The following ZNF467 variants were observed in gnomAD, a reference collection of about 807,000 sequenced individuals.
ZNF467 encodes the protein zinc finger protein 467, also known as zinc finger protein EZI.
Under a neutral mutation model 47.8 loss-of-function variants are expected in ZNF467, and 51 were observed. The observed-to-expected ratio is 1.07, with a 90% CI of 0.85 to 1.35. The LOEUF (loss-of-function observed/expected upper bound fraction) is 1.35. Ranked by LOEUF, ZNF467 falls within the 40% of genes most tolerant of loss-of-function variation. The pLI is 0.00. For synonymous variants in ZNF467, 416 were observed against 372.9 expected (o/e 1.12, Z -1.33); for missense variants, 992 against 858.1 (o/e 1.16, Z -1.95).
At chr7:149,768,373 C>T (rs1361103876) in intron 4 of ZNF467, among the ~76,000 whole-genome samples, 1 of 152,234 alleles carries the variant, frequency 6.6e-6, no homozygotes, top group Non-Finnish European at 1.5e-5. Flanking sequence ...CACACTGTCA[C>T]AAACCTTCAC....
In ZNF467 at chr7:149,769,262, C is replaced by G. The variant is rs1799316758; in HGVS notation, c.152-62G>C. The G allele has an allele frequency of 7.0e-7, 1 of 1,429,120 alleles. No homozygotes were observed. Among genetic ancestry groups the G allele is most frequent in the Non-Finnish European group, 9.4e-7 (1 of 1,061,974 alleles). 88.5% of individuals were successfully genotyped at this position (1,429,120 alleles called of 1,614,324 possible). A position where few individuals can be genotyped will look rare whatever the true frequency, so the allele number is the denominator to read the frequency against. On this transcript the variant is annotated intron_variant, in intron 3 of 4. Transcript: ENST00000302017. The surrounding 1 kb of genome is among the most constrained non-coding windows in gnomAD (Gnocchi z 5.3). ...CATCACAGATGGCCAAAGGGCCCCA[C>G]TGGTGCTGGGAAGCAGGAGCATTTG...
upstream of ZNF467, chr7:149,776,201 C>T (rs533317541): frequency 5.6e-6 from 6 of 1,071,010 alleles, no homozygotes; most frequent in Non-Finnish European, 7.5e-6. Context: ...ATCCTCCCTC[C>T]ACCCCCGCCA....
upstream of ZNF467, chr7:149,775,993 T>C: frequency 7.5e-7 from 1 of 1,333,800 alleles, no homozygotes; most frequent in Non-Finnish European, 1.0e-6. Context: ...TTGCCTCTCT[T>C]GAGCCCAAGC....
chr7:149,771,003 G>C lies in ZNF467; in HGVS notation c.30C>G (p.Ser10=), dbSNP rs1257286853. The part of the protein sequence containing the change: MRETLEALS[S]LGFSVGQPEM... ...CCTTCATTTCTGCCAGCTCACCCAG[G>C]GAGCTGAGGGCCTCCAAGGTCTCTC... The change falls in exon 2 of 5, where the codon TCC becomes TCG. Residue 10 remains serine (S), a synonymous_variant. Coordinates refer to ENST00000302017, the MANE Select transcript of ZNF467 (RefSeq NM_207336.3). The C allele has an allele frequency of 6.2e-7, 1 of 1,613,936 alleles. No homozygotes were observed. The highest frequency in any genetic ancestry group is 1.3e-5 in the African/African-American group (1 of 74,912).
At position 149,764,277 on chromosome 7, in the gene ZNF467, G is replaced by C. The variant is rs1297684339; in HGVS notation, c.*437C>G. 6.6e-6 allele frequency: 3 copies of C among 451,350 alleles called. No homozygotes were observed. The highest frequency in any genetic ancestry group is 7.8e-6 in the Non-Finnish European group (2 of 256,736). The allele number at this position is 451,350 out of a possible 1,614,324, so 28.0% of individuals were successfully genotyped here. Reference sequence around the variant, plus strand: ...CCAGGACAGAAGGGGAAGTGGAGGGGGGTGGTCTGTGTGTGGATGGAGGTG... The same window carrying C: ...CCAGGACAGAAGGGGAAGTGGAGGGCGGTGGTCTGTGTGTGGATGGAGGTG... On this transcript the variant is annotated 3_prime_UTR_variant, in exon 5 of 5. Transcript: ENST00000302017.
Position 149,770,522 on chromosome 7 carries a change from T to G in ZNF467, c.69A>C (p.Gln23His). The change falls in exon 3 of 5, where the codon CAA (glutamine) becomes CAC (histidine). Residue 23 changes from glutamine to histidine, a missense_variant. Coordinates refer to ENST00000302017, the MANE Select transcript of ZNF467 (RefSeq NM_207336.3). ...TATGGGATCCTTCCCTGGGCTCACT[T>G]TGGGGGGCCATCTCTGGCTGTCCCA... is the stretch of plus-strand genomic sequence containing the variant. ...FSVGQPEMAP[Q>H]SEPREGSHNA... 6.2e-7 allele frequency: 1 copy of G among 1,613,636 alleles called. No homozygotes were observed. Among genetic ancestry groups the G allele is most frequent in the Non-Finnish European group, 8.5e-7 (1 of 1,179,792 alleles).
upstream of ZNF467, among the ~76,000 whole-genome samples, chr7:149,775,181 C>T (rs1013262365): frequency 6.6e-6 from 1 of 152,224 alleles, no homozygotes; most frequent in Non-Finnish European, 1.5e-5. Flanking sequence ...CATTCCTCAG[C>T]ATAGGCTCCC....
chr7:149,772,698 G>A (rs1799463134), intron 1 of ZNF467, among the ~76,000 whole-genome samples: 1 of 147,270 alleles, frequency 6.8e-6, no homozygotes, highest in Non-Finnish European at 1.5e-5. Context: ...CAGCTCCGGG[G>A]CTCACCTGTC....
Position 149,764,500 on chromosome 7 carries a change from T to G in ZNF467, c.*214A>C. 1 of 894,446 alleles carries G rather than the reference T, an allele frequency of 1.1e-6. No homozygotes were observed. Among genetic ancestry groups the G allele is most frequent in the South Asian group, 1.4e-5 (1 of 70,326 alleles). 55.4% of individuals were successfully genotyped at this position (894,446 alleles called of 1,614,324 possible). A position where few individuals can be genotyped will look rare whatever the true frequency, so the allele number is the denominator to read the frequency against. ...GTGGGAGCCTTCCAAGAACTTCAGC[T>G]CAGCGGTTCCCAGCAAGGGTTCGCT... On this transcript the variant is annotated 3_prime_UTR_variant, in exon 5 of 5. Coordinates refer to ENST00000302017, the MANE Select transcript of ZNF467 (RefSeq NM_207336.3).
Position 149,766,083 on chromosome 7 carries a change from G to A in ZNF467, c.419C>T (p.Ala140Val). 2 of 1,610,504 alleles carry A rather than the reference G, an allele frequency of 1.2e-6. No individual in the cohort carries two copies. The highest frequency in any genetic ancestry group is 1.7e-6 in the Non-Finnish European group (2 of 1,178,124). Residue 140 changes from alanine (A) to valine (V), a missense_variant, in exon 5 of 5, where the codon GCC becomes GTC. Ala to Val is a moderately conservative substitution (Grantham distance 64). Coordinates refer to ENST00000302017, the MANE Select transcript of ZNF467 (RefSeq NM_207336.3). Reference protein sequence around the residue: ...LAAAYKLEPGAPGALSGLALS... With the variant: ...LAAAYKLEPGVPGALSGLALS... ...CGCGAGCCCACTCAGTGCCCCCGGG[G>A]CCCCTGGCTCCAGTTTGTACGCGGC...
Position 149,771,077 on chromosome 7 carries a change from A to G in ZNF467, c.-42-3T>C. On this transcript the variant is annotated splice_region_variant and splice_polypyrimidine_tract_variant and intron_variant, in intron 1 of 4. Coordinates refer to ENST00000302017, the MANE Select transcript of ZNF467 (RefSeq NM_207336.3). ...TCCTGGGGATCAGGCCACAGAACCT[A>G]TGGAGAAAAGACAGCCTTGTTCAGA... The G allele has an allele frequency of 1.2e-6, 2 of 1,613,540 alleles. No individual in the cohort carries two copies.
At chr7:149,766,277 C>T (rs768214617) in intron 4 of ZNF467, 38 bp from the exon 5 acceptor site, 38 of 1,510,332 alleles carry the variant, frequency 2.5e-5, no homozygotes, top group Non-Finnish European at 3.3e-5. Context: ...TTGAGCTCCA[C>T]GTGCGGCAAC....
In ZNF467 at chr7:149,769,791, C is replaced by A. The variant is rs1287621413; in HGVS notation, c.152-591G>T. On this transcript the variant is annotated intron_variant, in intron 3 of 4. Coordinates refer to ENST00000302017, the MANE Select transcript of ZNF467 (RefSeq NM_207336.3). This position sits in a 1 kb window ranked among gnomAD's most constrained non-coding sequence, Gnocchi z 5.3. The stretch of plus-strand genomic sequence containing the variant: ...GCAGCCTGGGCTTCAAGGGATCCTC[C>A]TGCCCCAGCCTCCCAAGTAGCTGGG... Among the ~76,000 whole-genome samples the A allele has an allele frequency of 1.3e-5, 2 of 152,220 alleles. No homozygotes were observed. Among genetic ancestry groups the A allele is most frequent in the African/African-American group, 4.8e-5 (2 of 41,460 alleles).
At chr7:149,776,336 T>C, upstream of ZNF467, 1 of 1,358,914 alleles carries the variant, frequency 7.4e-7, no homozygotes, top group Non-Finnish European at 9.8e-7. Flanking sequence ...TGGTTCCCCA[T>C]CATGGGCAGG....
intron 4 of ZNF467, among the ~76,000 whole-genome samples, chr7:149,767,017 G>T (rs542030503): frequency 6.6e-6 from 1 of 152,348 alleles, no homozygotes; most frequent in South Asian, 2.1e-4. Context: ...GCAGGTTGCA[G>T]GGGATTCCGC....
chr7:149,765,134 T>C lies in ZNF467; in HGVS notation c.1368A>G (p.Glu456=). ...LARHPRVHTG[E]RPFACTQCDR... is the part of the protein sequence containing the mutation. ...CACACTGCGTGCAGGCGAAGGGCCG[T>C]TCGCCCGTGTGCACGCGCGGGTGCC... The change falls in exon 5 of 5, where the codon GAA becomes GAG. Residue 456 remains glutamate (E), a synonymous_variant. Coordinates refer to ENST00000302017, the MANE Select transcript of ZNF467 (RefSeq NM_207336.3). The C allele has an allele frequency of 1.3e-6, 2 of 1,483,476 alleles. No homozygotes were observed. The highest frequency in any genetic ancestry group is 1.3e-5 in the South Asian group (1 of 79,878). The allele number at this position is 1,483,476 out of a possible 1,614,324, so 91.9% of individuals were successfully genotyped here.
At position 149,765,536 on chromosome 7, in the gene ZNF467, G is replaced by C. The variant is rs368941451; in HGVS notation, c.966C>G (p.His322Gln). 6.3e-7 allele frequency: 1 copy of C among 1,580,956 alleles called. No homozygotes were observed. The highest frequency in any genetic ancestry group is 1.1e-5 in the South Asian group (1 of 87,126). Residue 322 changes from histidine to glutamine, a missense_variant, in exon 5 of 5, where the codon CAC (histidine) becomes CAG (glutamine). Coordinates refer to ENST00000302017, the MANE Select transcript of ZNF467 (RefSeq NM_207336.3). ...KQHLVRHQRV[H>Q]QTAGPARPSP... ...AGGGCCTGGCCGGGCCGGCCGTCTGGTGCACCCTTTGGTGCCGCACCAAGT... is the reference window on the plus strand; with the variant it reads ...AGGGCCTGGCCGGGCCGGCCGTCTGCTGCACCCTTTGGTGCCGCACCAAGT...
intron 1 of ZNF467, among the ~76,000 whole-genome samples, chr7:149,772,092 C>A (rs1481629181): frequency 7.3e-6 from 1 of 137,282 alleles, no homozygotes; most frequent in African/African-American, 2.9e-5. Flanking sequence ...CCTCGCCAAC[C>A]CCCGCCCTCC....
chr7:149,771,188 C>T, intron 1 of ZNF467, 114 bp from the exon 2 acceptor site: 1 of 790,288 alleles, frequency 1.3e-6, no homozygotes. Flanking sequence ...AGGTGACATC[C>T]CCAGGTACAG....
Sources: allele counts gnomAD v4.1 joint callset (sites outside exome capture counted in the v4.1 genomes callset), GRCh38; gene constraint gnomAD v4.1.1; non-coding constraint Gnocchi (gnomAD v3.1); transcripts MANE v1.5; gene names NCBI Gene and HGNC (gene_info 2026-07-23, HGNC 2026-07-21).